Variants in MPDZ observed in about 807,000 individuals in gnomAD.
MPDZ encodes the protein multiple PDZ domain crumbs cell polarity complex component.
A neutral mutation model predicts 239.1 loss-of-function variants in MPDZ; 234 were observed. The observed-to-expected ratio is 0.98, with a 90% CI of 0.88 to 1.09. The LOEUF (loss-of-function observed/expected upper bound fraction) is 1.09, where lower values mean the gene tolerates loss of function less well. Among genes scored for constraint, MPDZ ranks in the 50% least tolerant of loss-of-function variants. The probability of loss-of-function intolerance (pLI) is 0.00; values close to 1 mark genes in which losing one functional copy is unlikely to be tolerated. For synonymous variants in MPDZ, 1,048 were observed against 881.3 expected (o/e 1.19, Z -3.35); for missense variants, 3,175 against 2,510.0 (o/e 1.26, Z -5.66).
intron 3 of MPDZ, among the ~76,000 whole-genome samples, chr9:13,238,995 T>A (rs569743233): frequency 6.6e-6 from 1 of 152,296 alleles, no homozygotes; most frequent in African/African-American, 2.4e-5. Context: ...TATTGATAGA[T>A]AAAACCATAT....
In MPDZ at chr9:13,115,255, C is replaced by T. The variant is rs1409455335; in HGVS notation, c.5459G>A (p.Ser1820Asn). Reference sequence around the variant, plus strand: ...AACTCCACAGCTACCCACCTGGCTGCTTTGAGATGGCCTCCTCTCTGAATG... The same window carrying T: ...AACTCCACAGCTACCCACCTGGCTGTTTTGAGATGGCCTCCTCTCTGAATG... ...PFHSERRPSQ[S>N]SQVSEGSLSS... The change falls in exon 40 of 47, where the codon AGC becomes AAC. Residue 1820 changes from serine (S) to asparagine (N), a missense_variant. Physicochemically the swap from Ser to Asn is conservative, Grantham distance 46. Transcript: ENST00000319217. The T allele has an allele frequency of 6.2e-7, 1 of 1,612,416 alleles. No individual in the cohort carries two copies. Among genetic ancestry groups the T allele is most frequent in the East Asian group, 2.2e-5 (1 of 44,858 alleles).
intron 13 of MPDZ, among the ~76,000 whole-genome samples, chr9:13,195,181 G>A (rs1247672247): frequency 1.3e-5 from 2 of 151,998 alleles, no homozygotes; most frequent in African/African-American, 2.4e-5. Context: ...CAAGCTACTC[G>A]GAAGGCTGAG....
At chr9:13,211,163 G>C (rs1178359623) in intron 10 of MPDZ, among the ~76,000 whole-genome samples, 4 of 152,002 alleles carry the variant, frequency 2.6e-5, no homozygotes, top group African/African-American at 9.7e-5. Context: ...TTACTAATTT[G>C]CAACTGTGTC....
chr9:13,204,469 T>C (rs1304346704), intron 12 of MPDZ, among the ~76,000 whole-genome samples: 1 of 152,060 alleles, frequency 6.6e-6, no homozygotes, highest in East Asian at 1.9e-4. Context: ...AAAAATAGCT[T>C]AATGGGTCCT....
chr9:13,123,127 C>A, intron 36 of MPDZ, 26 bp downstream of exon 36: 1 of 1,598,492 alleles, frequency 6.3e-7, no homozygotes, highest in Non-Finnish European at 8.5e-7. Context: ...ACGGCCTGTA[C>A]AGAAGCACCT....
chr9:13,128,230 C>A (rs1292655649), intron 32 of MPDZ, among the ~76,000 whole-genome samples: 3 of 152,174 alleles, frequency 2.0e-5, no homozygotes, highest in Non-Finnish European at 4.4e-5. Context: ...TTGATTCTAA[C>A]AAAGAGAATA....
chr9:13,118,857 T>C (rs901076261), intron 39 of MPDZ, among the ~76,000 whole-genome samples: 2 of 152,230 alleles, frequency 1.3e-5, no homozygotes, highest in Admixed American at 1.3e-4. Context: ...AATTTTATGA[T>C]GTAAAATGTA....
chr9:13,122,009 A>G (rs1944422967), intron 37 of MPDZ, 77 bp from the exon 38 acceptor site: 2 of 1,598,848 alleles, frequency 1.3e-6, no homozygotes, highest in Non-Finnish European at 1.7e-6. Flanking sequence ...AAGAGAGAGA[A>G]AGAAGCAAAG....
intron 3 of MPDZ, among the ~76,000 whole-genome samples, chr9:13,238,195 T>G (rs1028340884): frequency 6.6e-6 from 1 of 152,322 alleles, no homozygotes; most frequent in East Asian, 1.9e-4. Flanking sequence ...CCAGCAGTTG[T>G]GCCCACTGGA....
At position 13,109,971 on chromosome 9, in the gene MPDZ, T is replaced by C. The variant is rs1397416429; in HGVS notation, c.5923A>G (p.Ile1975Val). The stretch of plus-strand genomic sequence containing the variant: ...ACTCACCCTAAATCATCCTGAAATA[T>C]ACTGCTTGACGTCAGCCCAGTGAAA... ...LSFTGLTSSS[I>V]FQDDLGPPQC... The change falls in exon 45 of 47, where the codon ATA becomes GTA. Residue 1975 changes from isoleucine (I) to valine (V), a missense_variant. By Grantham distance (29) the Ile-to-Val change is conservative. Transcript: ENST00000319217. The C allele has an allele frequency of 7.4e-6, 12 of 1,612,792 alleles. No homozygotes were observed. Among genetic ancestry groups the C allele is most frequent in the Middle Eastern group, 1.6e-4 (1 of 6,080 alleles).
At chr9:13,137,291 G>C (rs1249807717) in intron 29 of MPDZ, among the ~76,000 whole-genome samples, 2 of 152,124 alleles carry the variant, frequency 1.3e-5, no homozygotes, top group African/African-American at 4.8e-5. Flanking sequence ...TGCCTAAACA[G>C]CACAGTGCCT....
In MPDZ at chr9:13,175,881, A is replaced by C; in HGVS notation, c.2932-6T>G. 1 of 1,579,744 alleles carries C rather than the reference A, an allele frequency of 6.3e-7. No homozygotes were observed. On this transcript the variant is annotated splice_region_variant and splice_polypyrimidine_tract_variant and intron_variant, in intron 20 of 46. Coordinates refer to ENST00000319217, the MANE Select transcript of MPDZ (RefSeq NM_001378778.1). The stretch of plus-strand genomic sequence containing the variant: ...TCAAGCAGGTACTCAGAGCCCTTTA[A>C]GAAAGAAAAAGAAGTCACAAGTCAC...
At chr9:13,203,125 C>A (rs1475609319) in intron 12 of MPDZ, among the ~76,000 whole-genome samples, 1 of 152,132 alleles carries the variant, frequency 6.6e-6, no homozygotes, top group Non-Finnish European at 1.5e-5. Context: ...AAATATCAGA[C>A]TGTACCCCAA....
chr9:13,175,968 T>C, intron 20 of MPDZ, 93 bp from the exon 21 acceptor site: 1 of 1,467,446 alleles, frequency 6.8e-7, no homozygotes. Flanking sequence ...TCTAATTGAT[T>C]GTGCTTTATT....
intron 11 of MPDZ, 94 bp downstream of exon 11, chr9:13,205,822 A>C (rs1956921889): frequency 8.7e-7 from 1 of 1,145,972 alleles, no homozygotes; most frequent in East Asian, 2.5e-5. Context: ...TGAATAATTA[A>C]GAACCATTCT....
At position 13,250,372 on chromosome 9, in the gene MPDZ, T is replaced by A; in HGVS notation, c.-57A>T. 1 of 1,474,570 alleles carries A rather than the reference T, an allele frequency of 6.8e-7. No individual in the cohort carries two copies. Among genetic ancestry groups the A allele is most frequent in the Non-Finnish European group, 9.3e-7 (1 of 1,076,898 alleles). 91.3% of individuals were successfully genotyped at this position (1,474,570 alleles called of 1,614,324 possible). ...TGATTAACAGCAATTAAAATGGAAC[T>A]CTGTGCAAAAAAGAAATAGAATGGT... is the stretch of plus-strand genomic sequence containing the variant. On this transcript the variant is annotated splice_region_variant and 5_prime_UTR_variant, in exon 2 of 47. Coordinates refer to ENST00000319217, the MANE Select transcript of MPDZ (RefSeq NM_001378778.1).
Position 13,147,564 on chromosome 9 carries a change from A to T in MPDZ, c.3725T>A (p.Ile1242Asn). The T allele has an allele frequency of 1.9e-6, 3 of 1,611,940 alleles. No homozygotes were observed. Among genetic ancestry groups the T allele is most frequent in the Non-Finnish European group, 2.5e-6 (3 of 1,178,482 alleles). Reference protein sequence around the residue: ...GNPVVFMVQSIINRPRKSPLP... With the variant: ...GNPVVFMVQSNINRPRKSPLP... The stretch of plus-strand genomic sequence containing the variant: ...TTCGCTTACCCTTGGTCTGTTTATA[A>T]TGCTCTGTACCATAAAGACTACAGG... Residue 1242 changes from isoleucine to asparagine, a missense_variant, in exon 26 of 47, where the codon ATT (isoleucine) becomes AAT (asparagine). Physicochemically the swap from Ile to Asn is moderately radical, Grantham distance 149. Coordinates refer to ENST00000319217, the MANE Select transcript of MPDZ (RefSeq NM_001378778.1).
At chr9:13,107,407 A>G (rs553511826) in intron 46 of MPDZ, among the ~76,000 whole-genome samples, 1 of 152,318 alleles carries the variant, frequency 6.6e-6, no homozygotes, top group South Asian at 2.1e-4. Context: ...AAATTAATAA[A>G]GAATATTTGG....
intron 39 of MPDZ, among the ~76,000 whole-genome samples, chr9:13,117,870 G>A (rs969727397): frequency 2.8e-5 from 4 of 142,320 alleles, no homozygotes; most frequent in African/African-American, 1.1e-4. Flanking sequence ...TTGAGATGGA[G>A]TTTCACTCTT....
Sources: allele counts gnomAD v4.1 joint callset (sites outside exome capture counted in the v4.1 genomes callset), GRCh38; gene constraint gnomAD v4.1.1; transcripts MANE v1.5; gene names NCBI Gene and HGNC (gene_info 2026-07-23, HGNC 2026-07-21).